The following CLEC16A variants were observed in gnomAD, a reference collection of about 807,000 sequenced individuals.
CLEC16A encodes protein CLEC16A.
CLEC16A carries 51 observed loss-of-function variants against 109.5 expected under a neutral mutation model. That is an observed-to-expected ratio of 0.47 (90% CI 0.37 to 0.59). The LOEUF is 0.59. Among genes scored for constraint, CLEC16A ranks in the 20% least tolerant of loss-of-function variants. CLEC16A has a pLI of 0.00. For synonymous variants in CLEC16A, 673 were observed against 564.2 expected (o/e 1.19, Z -2.73); for missense variants, 1,339 against 1,394.0 (o/e 0.96, Z 0.63).
In CLEC16A at chr16:11,075,412, C is replaced by CTGTGTGTGTCTG. The variant is rs1555478930; in HGVS notation, c.2116+14399_2116+14400insCTGTGTGTGTGT. Among the ~76,000 whole-genome samples, 617 of 120,600 alleles carry CTGTGTGTGTCTG rather than the reference C, an allele frequency of 5.1e-3. 6 individuals carry two copies. Among genetic ancestry groups the CTGTGTGTGTCTG allele is most frequent in the African/African-American group, 0.016 (543 of 33,026 alleles). 79.1% of individuals were successfully genotyped at this position (120,600 alleles called of 152,430 possible). ...TGTGTGTGTGTGTGTGTGTGTGTGT[C>CTGTGTGTGTCTG]TGTGTGTGTGTGTGTATGTGTGTGT... On this transcript the variant is annotated intron_variant, in intron 19 of 23. Transcript: ENST00000409790.
chr16:11,135,316 C>G (rs1229267464), intron 22 of CLEC16A, among the ~76,000 whole-genome samples: 1 of 152,194 alleles, frequency 6.6e-6, no homozygotes, highest in East Asian at 1.9e-4. Context: ...GAATCTGGAG[C>G]TGGGCTCACA....
chr16:11,100,267 T>C (rs1253108831), intron 19 of CLEC16A, among the ~76,000 whole-genome samples: 2 of 152,176 alleles, frequency 1.3e-5, no homozygotes, highest in African/African-American at 4.8e-5. Context: ...TATCATGCCC[T>C]CCTACGGTCC....
At chr16:11,113,100 C>T (rs2051712741) in intron 19 of CLEC16A, among the ~76,000 whole-genome samples, 1 of 152,230 alleles carries the variant, frequency 6.6e-6, no homozygotes, top group East Asian at 1.9e-4. Context: ...GAGAAGAACT[C>T]ACACTTGGAA....
In CLEC16A at chr16:11,174,652, G is replaced by A. The variant is rs2068674049; in HGVS notation, c.2807-3683G>A. 6.6e-6 allele frequency among the ~76,000 whole-genome samples: 1 copy of A among 152,274 alleles called. No individual in the cohort carries two copies. Among genetic ancestry groups the A allele is most frequent in the Admixed American group, 6.5e-5 (1 of 15,292 alleles). ...TCCCCCAGGGGTCCCCCCAGTTTAGGCCATGGGGGTTGGGCGGCAGTTGGC... is the reference window on the plus strand; with the variant it reads ...TCCCCCAGGGGTCCCCCCAGTTTAGACCATGGGGGTTGGGCGGCAGTTGGC... On this transcript the variant is annotated intron_variant, in intron 23 of 23. Coordinates refer to ENST00000409790, the MANE Select transcript of CLEC16A (RefSeq NM_015226.3). This position sits in a 1 kb window ranked among gnomAD's most constrained non-coding sequence, Gnocchi z 4.7.
rs1226684606 is a variant in CLEC16A, at chr16:11,028,730, A to AT, written c.1537+3810dup. Among the ~76,000 whole-genome samples, 6 of 152,260 alleles carry AT rather than the reference A, an allele frequency of 3.9e-5. No individual in the cohort carries two copies. In the East Asian group the frequency reaches 1.2e-3, roughly 29 times the overall value. On this transcript the variant is annotated intron_variant, in intron 13 of 23. Transcript: ENST00000409790. ...GGTGTGAACACCACTTAATCAGGAG[A>AT]TAGTACAGTTTCATTATCAGAAAAA...
At chr16:11,103,117 C>T (rs2152987742) in intron 19 of CLEC16A, among the ~76,000 whole-genome samples, 1 of 152,344 alleles carries the variant, frequency 6.6e-6, no homozygotes, top group Middle Eastern at 3.4e-3. Flanking sequence ...AGGTGAAGAG[C>T]CTCAAACCCC....
At chr16:11,158,630 CAG>C (rs781014960) in intron 22 of CLEC16A, among the ~76,000 whole-genome samples, 1 of 152,164 alleles carries the variant, frequency 6.6e-6, no homozygotes, top group African/African-American at 2.4e-5. Context: ...GGGTTAAAAA[CAG>C]AGGCTGGAGA....
At chr16:11,073,215 G>C (rs896029076) in intron 19 of CLEC16A, among the ~76,000 whole-genome samples, 2 of 152,120 alleles carry the variant, frequency 1.3e-5, no homozygotes, top group Non-Finnish European at 2.9e-5. Flanking sequence ...CCCCACCCCC[G>C]GGGTCCCGTG....
At chr16:10,964,415 G>A (rs780772526) in intron 3 of CLEC16A, among the ~76,000 whole-genome samples, 4 of 152,220 alleles carry the variant, frequency 2.6e-5, no homozygotes, top group Non-Finnish European at 5.9e-5. Flanking sequence ...GCCCAGTTCT[G>A]CCCCACACTG....
intron 21 of CLEC16A, among the ~76,000 whole-genome samples, chr16:11,124,949 C>T (rs747567116): frequency 2.6e-5 from 4 of 152,068 alleles, no homozygotes; most frequent in Non-Finnish European, 4.4e-5. Context: ...ATGAGCCAGG[C>T]GTGGTGGCAT....
intron 10 of CLEC16A, among the ~76,000 whole-genome samples, chr16:10,992,957 G>A (rs1180699592): frequency 1.3e-5 from 2 of 152,098 alleles, no homozygotes; most frequent in Admixed American, 6.5e-5. Context: ...GGGTTGGGTC[G>A]GGGGGCGTGG....
intron 19 of CLEC16A, among the ~76,000 whole-genome samples, chr16:11,098,581 A>G (rs779007843): frequency 4.6e-5 from 7 of 152,318 alleles, no homozygotes; most frequent in Non-Finnish European, 5.9e-5. Context: ...CCACTTGTCC[A>G]TAGACCCTCC....
intron 11 of CLEC16A, among the ~76,000 whole-genome samples, chr16:11,019,553 G>A (rs1265931616): frequency 6.6e-6 from 1 of 152,080 alleles, no homozygotes; most frequent in Non-Finnish European, 1.5e-5. Flanking sequence ...TGGATCACCT[G>A]AGGTCAGGAA....
At position 10,944,812 on chromosome 16, in the gene CLEC16A, C is replaced by T; in HGVS notation, c.80+15C>T. The T allele has an allele frequency of 1.3e-6, 2 of 1,593,710 alleles. No homozygotes were observed. Among genetic ancestry groups the T allele is most frequent in the East Asian group, 4.5e-5 (2 of 44,320 alleles). On this transcript the variant is annotated intron_variant, in intron 1 of 23. Transcript: ENST00000409790. Reference sequence around the variant, plus strand: ...GACCACCTCAAGTGAGTGTGGGGGGCGTAGCGGGAGGCCTCGGGGCTGGAC... The same window carrying T: ...GACCACCTCAAGTGAGTGTGGGGGGTGTAGCGGGAGGCCTCGGGGCTGGAC...
intron 4 of CLEC16A, 97 bp from the exon 5 acceptor site, chr16:10,971,028 C>CTT: frequency 1.0e-5 from 4 of 383,282 alleles, no homozygotes; most frequent in South Asian, 7.9e-5. Context: ...TTTTTTTTGT[C>CTT]TTTTTCTGAA....
intron 19 of CLEC16A, among the ~76,000 whole-genome samples, chr16:11,105,268 C>A (rs1427056758): frequency 6.6e-6 from 1 of 152,196 alleles, no homozygotes; most frequent in East Asian, 1.9e-4. Context: ...GTACTTGGAA[C>A]TGCTGCTCCC....
chr16:11,070,814 A>G (rs1269742218), intron 19 of CLEC16A: 1 of 152,056 alleles, frequency 6.6e-6, no homozygotes, highest in African/African-American at 2.4e-5. Context: ...ACCAACCCCA[A>G]CCTGCAAACC....
At chr16:10,969,675 C>G (rs1322530867) in intron 4 of CLEC16A, among the ~76,000 whole-genome samples, 1 of 152,110 alleles carries the variant, frequency 6.6e-6, no homozygotes, top group African/African-American at 2.4e-5. Flanking sequence ...ATGTAAAATT[C>G]AGTTTGTTCT....
At chr16:11,116,598 G>A (rs1186611614) in intron 19 of CLEC16A, among the ~76,000 whole-genome samples, 1 of 152,112 alleles carries the variant, frequency 6.6e-6, no homozygotes, top group Non-Finnish European at 1.5e-5. Context: ...TCGGAGGATT[G>A]AACCGAGGCA....
Sources: allele counts gnomAD v4.1 joint callset (sites outside exome capture counted in the v4.1 genomes callset), GRCh38; gene constraint gnomAD v4.1.1; non-coding constraint Gnocchi (gnomAD v3.1); transcripts MANE v1.5; gene names NCBI Gene and HGNC (gene_info 2026-07-23, HGNC 2026-07-21).